Variants in RAB27B observed in about 807,000 individuals in gnomAD.
The protein encoded by RAB27B is RAB27B, member RAS oncogene family.
A neutral mutation model predicts 24.6 loss-of-function variants in RAB27B; 15 were observed. That is an observed-to-expected ratio of 0.61 (90% CI 0.41 to 0.94). The LOEUF is 0.94. Among genes scored for constraint, RAB27B ranks in the 40% least tolerant of loss-of-function variants. RAB27B has a pLI of 0.00. For missense variants in RAB27B, 261 were observed against 266.8 expected (o/e 0.98, Z 0.15); for synonymous variants, 105 against 92.5 (o/e 1.14, Z -0.78).
At chr18:54,736,685 T>C (rs1310930487) in intron 2 of RAB27B, among the ~76,000 whole-genome samples, 5 of 152,138 alleles carry the variant, frequency 3.3e-5, no homozygotes, top group African/African-American at 1.2e-4. Flanking sequence ...AAGAAAGTGA[T>C]ATTTCGATAA....
chr18:54,884,897 G>A (rs1913071051), intron 4 of RAB27B, among the ~76,000 whole-genome samples: 1 of 152,148 alleles, frequency 6.6e-6, no homozygotes, highest in Non-Finnish European at 1.5e-5. Flanking sequence ...AACCAGAGCA[G>A]ACCAGTCGCA....
rs368575405 is a variant in RAB27B at position 54,869,715 on chromosome 18, A to G, written c.-19-7852A>G. On this transcript the variant is annotated intron_variant, in intron 1 of 5. Transcript: ENST00000262094. The stretch of plus-strand genomic sequence containing the variant: ...AATAAAAATAAACTCTTGAAGAAAT[A>G]ACACTGGTGCTTTGTTTTCCAAAGC... Among the ~76,000 whole-genome samples the G allele has an allele frequency of 7.3e-4, 111 of 152,348 alleles. No individual in the cohort carries two copies. In the South Asian group the frequency reaches 0.017, roughly 23 times the overall value.
At chr18:54,746,039 C>T (rs1427160628) in intron 2 of RAB27B, among the ~76,000 whole-genome samples, 1 of 151,938 alleles carries the variant, frequency 6.6e-6, no homozygotes, top group Non-Finnish European at 1.5e-5. Flanking sequence ...GGCGGTCTCA[C>T]TCTATATGGG....
At chr18:54,781,805 T>C (rs1393146108) in intron 2 of RAB27B, among the ~76,000 whole-genome samples, 1 of 152,208 alleles carries the variant, frequency 6.6e-6, no homozygotes, top group Non-Finnish European at 1.5e-5. Flanking sequence ...GGCTGTGATA[T>C]CTATTTAGGA....
intron 1 of RAB27B, among the ~76,000 whole-genome samples, chr18:54,851,441 T>A (rs1410636458): frequency 6.6e-6 from 1 of 152,170 alleles, no homozygotes; most frequent in Non-Finnish European, 1.5e-5. Flanking sequence ...ATAAAAACAT[T>A]TAGGCGCAAA....
intron 2 of RAB27B, among the ~76,000 whole-genome samples, chr18:54,780,269 T>C (rs1176147345): frequency 1.5e-5 from 2 of 135,150 alleles, no homozygotes; most frequent in Non-Finnish European, 3.1e-5. Context: ...TCCTGATGGC[T>C]TCGCCCTCAC....
rs188159790 is a variant in RAB27B, at chr18:54,867,639, G to T, written c.-19-9928G>T. ...TTTTTGTATTCTTAGTAGAGACAGG[G>T]TTTCACCATGTTGGTCAGGCTGGTC... On this transcript the variant is annotated intron_variant, in intron 1 of 5. Coordinates refer to ENST00000262094, the MANE Select transcript of RAB27B (RefSeq NM_004163.4). Among the ~76,000 whole-genome samples, 4 of 151,842 alleles carry T rather than the reference G, an allele frequency of 2.6e-5. No individual in the cohort carries two copies. The East Asian group carries it at 7.7e-4, about 29-fold the overall frequency.
At chr18:54,841,174 T>G (rs978601202) in intron 1 of RAB27B, among the ~76,000 whole-genome samples, 521 of 11,892 alleles carry the variant, frequency 0.044, no homozygotes, top group Non-Finnish European at 0.11. Context: ...GGGGGTTTGG[T>G]GAGAGGGGCG....
chr18:54,737,142 G>C (rs1004528933), intron 2 of RAB27B, among the ~76,000 whole-genome samples: 4 of 152,034 alleles, frequency 2.6e-5, no homozygotes, highest in African/African-American at 7.2e-5. Context: ...TACTTACATA[G>C]TCATGGACTT....
At chr18:54,817,384 A>G (rs1443888864) in intron 2 of RAB27B, among the ~76,000 whole-genome samples, 1 of 152,188 alleles carries the variant, frequency 6.6e-6, no homozygotes, top group Non-Finnish European at 1.5e-5. Flanking sequence ...GAACTTGGGA[A>G]GACCCTCAAG....
chr18:54,838,372 TC>T (rs1452221932), intron 1 of RAB27B, among the ~76,000 whole-genome samples: 6 of 152,272 alleles, frequency 3.9e-5, no homozygotes, highest in Admixed American at 2.0e-4. Flanking sequence ...CCCTTCTTCA[TC>T]TCCATGTTAA....
chr18:54,774,438 C>T (rs966241839), intron 2 of RAB27B, among the ~76,000 whole-genome samples: 6 of 152,146 alleles, frequency 3.9e-5, no homozygotes, highest in African/African-American at 1.4e-4. Flanking sequence ...AAGTAACTGA[C>T]TCAGGTTACA....
intron 2 of RAB27B, among the ~76,000 whole-genome samples, chr18:54,789,708 G>T (rs1000642076): frequency 6.6e-6 from 1 of 151,966 alleles, no homozygotes; most frequent in African/African-American, 2.4e-5. Flanking sequence ...TAGGTTTTTA[G>T]ATCAAATAGT....
chr18:54,803,993 C>G (rs1239656219), intron 2 of RAB27B, among the ~76,000 whole-genome samples: 1 of 152,128 alleles, frequency 6.6e-6, no homozygotes, highest in Non-Finnish European at 1.5e-5. Flanking sequence ...GGTGGATAAT[C>G]AGTCCTGATT....
At chr18:54,846,343 C>G (rs1911336599) in intron 1 of RAB27B, among the ~76,000 whole-genome samples, 1 of 152,194 alleles carries the variant, frequency 6.6e-6, no homozygotes, top group Admixed American at 6.5e-5. Flanking sequence ...CTCGCAGGAG[C>G]CTAATCCCAT....
At chr18:54,840,917 G>A (rs955889183) in intron 1 of RAB27B, among the ~76,000 whole-genome samples, 6 of 152,114 alleles carry the variant, frequency 3.9e-5, no homozygotes, top group African/African-American at 1.2e-4. Context: ...GGGAGGCTGA[G>A]GCAGGCGGAT....
chr18:54,866,242 G>C (rs1020009325), intron 1 of RAB27B, among the ~76,000 whole-genome samples: 3 of 151,864 alleles, frequency 2.0e-5, no homozygotes, highest in Non-Finnish European at 4.4e-5. Flanking sequence ...TGACTCTCAG[G>C]GGATCCTGGT....
At chr18:54,788,150 T>C (rs1358217186) in intron 2 of RAB27B, among the ~76,000 whole-genome samples, 1 of 152,244 alleles carries the variant, frequency 6.6e-6, no homozygotes, top group Admixed American at 6.5e-5. Context: ...ACTGAATTTA[T>C]ACAAACTCAA....
intron 2 of RAB27B, among the ~76,000 whole-genome samples, chr18:54,806,504 G>A (rs1909794072): frequency 1.4e-5 from 2 of 147,422 alleles, no homozygotes; most frequent in South Asian, 4.2e-4. Flanking sequence ...ATAAAGAAAT[G>A]GGTCCAAGAA....
Sources: allele counts gnomAD v4.1 joint callset (sites outside exome capture counted in the v4.1 genomes callset), GRCh38; gene constraint gnomAD v4.1.1; transcripts MANE v1.5; gene names NCBI Gene and HGNC (gene_info 2026-07-23, HGNC 2026-07-21).